Variants in SYT14 observed in about 807,000 individuals in gnomAD.
The protein encoded by SYT14 is synaptotagmin 14.
SYT14 carries 32 observed loss-of-function variants against 74.2 expected under a neutral mutation model. That is an observed-to-expected ratio of 0.43 (90% CI 0.33 to 0.58). The LOEUF (loss-of-function observed/expected upper bound fraction) is 0.58, where lower values mean the gene tolerates loss of function less well. Ranked by LOEUF, SYT14 falls within the 20% of genes least tolerant of loss-of-function variation. SYT14 has a pLI of 0.05. For missense variants in SYT14, 791 were observed against 981.8 expected (o/e 0.81, Z 2.60); for synonymous variants, 298 against 337.7 (o/e 0.88, Z 1.29).
chr1:210,031,762 C>G (rs991889269), intron 5 of SYT14, among the ~76,000 whole-genome samples: 1 of 152,018 alleles, frequency 6.6e-6, no homozygotes, highest in Non-Finnish European at 1.5e-5. Flanking sequence ...ATTGCTATCT[C>G]TTTCTCAGGT....
chr1:209,980,605 A>G (rs1230068528), intron 2 of SYT14, among the ~76,000 whole-genome samples: 1 of 152,050 alleles, frequency 6.6e-6, no homozygotes, highest in Non-Finnish European at 1.5e-5. Context: ...TCTTTATTTT[A>G]TCTCAAGTTG....
At chr1:210,146,095 T>C (rs1465532166) in intron 7 of SYT14, among the ~76,000 whole-genome samples, 4 of 152,174 alleles carry the variant, frequency 2.6e-5, no homozygotes, top group Non-Finnish European at 5.9e-5. Context: ...CCCAGCACTT[T>C]GGGAGGCTGA....
At chr1:210,148,235 G>A (rs906525825) in intron 7 of SYT14, among the ~76,000 whole-genome samples, 1 of 152,130 alleles carries the variant, frequency 6.6e-6, no homozygotes, top group Non-Finnish European at 1.5e-5. Flanking sequence ...TAGGCCAGGC[G>A]CGGTGGCTCA....
chr1:210,117,597 A>G (rs142972957), intron 7 of SYT14, among the ~76,000 whole-genome samples: 1 of 152,330 alleles, frequency 6.6e-6, no homozygotes, highest in Admixed American at 6.5e-5. Flanking sequence ...TAATGATTAT[A>G]GACCTATTTA....
chr1:210,161,472 T>G (rs2083371948), exon 10 of SYT14: 2 of 454,208 alleles, frequency 4.4e-6, no homozygotes, highest in Admixed American at 4.7e-5. Flanking sequence ...CCCTGGTGTT[T>G]GTAATGTTCT....
chr1:210,075,495 C>T lies in SYT14; in HGVS notation c.1313-18827C>T, dbSNP rs536002927. Among the ~76,000 whole-genome samples the T allele has an allele frequency of 1.4e-3, 214 of 152,050 alleles. 1 individual carries two copies. Among genetic ancestry groups the T allele is most frequent in the African/African-American group, 4.7e-3 (197 of 41,478 alleles). ...GATTACAGGTGCGTGCCACCACGCC[C>T]GGCTAATTTTTGTATTTTTAGTAGA... On this transcript the variant is annotated intron_variant, in intron 5 of 9. Transcript: ENST00000637265.
intron 4 of SYT14, among the ~76,000 whole-genome samples, chr1:210,019,100 C>T (rs2080248546): frequency 7.6e-6 from 1 of 130,948 alleles, no homozygotes; most frequent in Admixed American, 8.9e-5. Flanking sequence ...CACGCCACTG[C>T]ACTCCAGACT....
At chr1:210,034,660 T>C (rs1189226039) in intron 5 of SYT14, among the ~76,000 whole-genome samples, 1 of 151,802 alleles carries the variant, frequency 6.6e-6, no homozygotes, top group Admixed American at 6.6e-5. Context: ...CTATGTTCAG[T>C]TTCTATTATT....
chr1:210,077,323 G>A (rs748149351), intron 5 of SYT14, among the ~76,000 whole-genome samples: 28 of 152,244 alleles, frequency 1.8e-4, no homozygotes, highest in African/African-American at 4.1e-4. Flanking sequence ...GCCCCGAGCC[G>A]TGAGGGATCC....
chr1:210,124,573 TAGAA>T (rs1488437276), intron 7 of SYT14, among the ~76,000 whole-genome samples: 1 of 152,156 alleles, frequency 6.6e-6, no homozygotes, highest in Non-Finnish European at 1.5e-5. Context: ...ACATAAAAAT[TAGAA>T]AGATCAGAAG....
exon 4 of SYT14, chr1:210,015,792 A>T (rs1558129810): frequency 3.4e-5 from 30 of 878,914 alleles, no homozygotes; most frequent in East Asian, 1.7e-4. Context: ...AAGTGGTTTG[A>T]TTTTTTTTTT....
intron 2 of SYT14, among the ~76,000 whole-genome samples, chr1:209,972,141 C>G (rs1244816294): frequency 6.6e-6 from 1 of 151,990 alleles, no homozygotes; most frequent in Admixed American, 6.6e-5. Flanking sequence ...GGGATTTATC[C>G]ATTTCCTCTA....
At chr1:210,000,040 A>G (rs1183341702) in intron 2 of SYT14, among the ~76,000 whole-genome samples, 1 of 152,212 alleles carries the variant, frequency 6.6e-6, no homozygotes, top group East Asian at 1.9e-4. Context: ...AAAATTATGT[A>G]TTAATAAAAA....
At chr1:210,035,394 T>G (rs1251799765) in intron 5 of SYT14, among the ~76,000 whole-genome samples, 1 of 152,032 alleles carries the variant, frequency 6.6e-6, no homozygotes, top group Non-Finnish European at 1.5e-5. Context: ...ATTGTTTTTT[T>G]GCTGTGCAGT....
intron 7 of SYT14, among the ~76,000 whole-genome samples, chr1:210,110,766 CAG>C (rs1401453426): frequency 6.6e-6 from 1 of 152,136 alleles, no homozygotes; most frequent in African/African-American, 2.4e-5. Context: ...ATTTTTGAGA[CAG>C]AGTTTCGTTC....
intron 7 of SYT14, among the ~76,000 whole-genome samples, chr1:210,122,624 C>A (rs923827294): frequency 1.6e-5 from 2 of 122,962 alleles, no homozygotes; most frequent in Admixed American, 8.2e-5. Flanking sequence ...TTTTACAATT[C>A]TTTTTAAAAA....
intron 2 of SYT14, among the ~76,000 whole-genome samples, chr1:209,964,647 T>A (rs1039295228): frequency 6.6e-6 from 1 of 152,198 alleles, no homozygotes; most frequent in African/African-American, 2.4e-5. Flanking sequence ...CAATTGAGTT[T>A]CCTTGTGCTC....
chr1:210,064,182 C>T (rs1184517185), intron 5 of SYT14, among the ~76,000 whole-genome samples: 2 of 151,922 alleles, frequency 1.3e-5, no homozygotes, highest in Non-Finnish European at 2.9e-5. Flanking sequence ...ATTTATTTCA[C>T]TTAGCATAAA....
intron 5 of SYT14, among the ~76,000 whole-genome samples, chr1:210,055,277 G>T (rs775928759): frequency 4.6e-5 from 7 of 152,104 alleles, no homozygotes; most frequent in Non-Finnish European, 1.0e-4. Flanking sequence ...GTTAGTGTGA[G>T]GACTAGAAAT....
Sources: gnomAD v4.1 joint callset for allele counts (sites outside exome capture counted in the v4.1 genomes callset) on GRCh38, gnomAD v4.1.1 for gene constraint, MANE v1.5 for transcripts, NCBI Gene and HGNC (gene_info 2026-07-23, HGNC 2026-07-21) for gene names.